The following CRTC1 variants were observed in gnomAD, a reference collection of about 807,000 sequenced individuals.
CRTC1 encodes the protein CREB-regulated transcription coactivator 1.
In CRTC1, 18 loss-of-function variants were observed where a neutral mutation model predicts 66.1. That is an observed-to-expected ratio of 0.27 (90% confidence interval 0.19 to 0.40). CRTC1 has a LOEUF of 0.40. CRTC1 is among the 10% of genes least tolerant of loss of function. The pLI is 1.00. For synonymous variants in CRTC1, 416 were observed against 398.8 expected (o/e 1.04, Z -0.51); for missense variants, 669 against 887.9 (o/e 0.75, Z 3.13).
At chr19:18,717,380 C>G (rs531580833) in intron 1 of CRTC1, among the ~76,000 whole-genome samples, 2 of 152,084 alleles carry the variant, frequency 1.3e-5, no homozygotes, top group South Asian at 4.2e-4. Flanking sequence ...GGGTAGTGGC[C>G]CTTGGGGTCA....
intron 1 of CRTC1, among the ~76,000 whole-genome samples, chr19:18,704,729 A>C (rs1039690230): frequency 3.3e-5 from 5 of 152,164 alleles, no homozygotes; most frequent in African/African-American, 1.2e-4. Flanking sequence ...AACCAAAAAC[A>C]AAACAAATAC....
intron 5 of CRTC1, among the ~76,000 whole-genome samples, chr19:18,750,105 G>A (rs545259997): frequency 1.3e-4 from 20 of 152,210 alleles, no homozygotes; most frequent in Non-Finnish European, 2.1e-4. Context: ...CCCTGCAGGC[G>A]CACGTTGGCT....
At chr19:18,698,342 G>A (rs542253351) in intron 1 of CRTC1, among the ~76,000 whole-genome samples, 1 of 151,372 alleles carries the variant, frequency 6.6e-6, no homozygotes, top group Non-Finnish European at 1.5e-5. Context: ...CAAGTGCTTA[G>A]CAGGTGCACA....
chr19:18,689,564 CATATATAT>C (rs10616884), intron 1 of CRTC1, among the ~76,000 whole-genome samples: 11 of 38,334 alleles, frequency 2.9e-4, no homozygotes, highest in African/African-American at 2.5e-3. Context: ...AATTGATGGC[CATATATAT>C]ATATATATAT....
intron 1 of CRTC1, among the ~76,000 whole-genome samples, chr19:18,707,487 G>C (rs2053292608): frequency 2.0e-5 from 3 of 152,174 alleles, no homozygotes; most frequent in African/African-American, 7.2e-5. Flanking sequence ...GTACCACACT[G>C]TTTTGATTAC....
rs559871678 is a variant in CRTC1, at chr19:18,722,097, C to T, written c.127-20813C>T. 2.6e-5 allele frequency among the ~76,000 whole-genome samples: 4 copies of T among 152,346 alleles called. No homozygotes were observed. In the East Asian group the frequency reaches 5.8e-4, roughly 22 times the overall value. On this transcript the variant is annotated intron_variant, in intron 1 of 13. Transcript: ENST00000321949. ...GGGTTTTGGGGATATGCACCAGAGA[C>T]CCCCACACCTATGCATCCGCTGACT...
chr19:18,747,129 A>C lies in CRTC1; in HGVS notation c.443+15A>C, dbSNP rs560795263. The C allele has an allele frequency of 8.0e-3, 8,842 of 1,108,352 alleles. No individual in the cohort carries two copies. Among genetic ancestry groups the C allele is most frequent in the Middle Eastern group, 0.024 (89 of 3,690 alleles). The allele number at this position is 1,108,352 out of a possible 1,614,324, so 68.7% of individuals were successfully genotyped here. On this transcript the variant is annotated intron_variant, in intron 4 of 13. Transcript: ENST00000321949. ...AGCTGGAGAAGGTCAGTGGCTGGAC[A>C]CCCCCCCCCCGCCCCCTTCTTGTTG...
Position 18,747,054 on chromosome 19 carries a change from C to T in CRTC1, c.383C>T (p.Ala128Val). ...CACTGCCCCCTTAACTCACCTCACG[C>T]CGACAGCTGCCCCTATGGCACCATG... ...PLSVDKHGRQADSCPYGTMYL... is the reference protein window; with the variant it reads ...PLSVDKHGRQVDSCPYGTMYL... The change falls in exon 4 of 14, where the codon GCC becomes GTC. Residue 128 changes from alanine (A) to valine (V), a missense_variant and splice_region_variant. Ala to Val is a moderately conservative substitution (Grantham distance 64). Around this residue, in one of 8 missense-constraint regions of CRTC1, gnomAD observed 214 missense variants for 323.4 expected, o/e 0.66. Coordinates refer to ENST00000321949, the MANE Select transcript of CRTC1 (RefSeq NM_015321.3). 1 of 1,613,282 alleles carries T rather than the reference C, an allele frequency of 6.2e-7. No homozygotes were observed. Among genetic ancestry groups the T allele is most frequent in the Non-Finnish European group, 8.5e-7 (1 of 1,179,714 alleles).
At chr19:18,698,794 TAC>T (rs887502087) in intron 1 of CRTC1, among the ~76,000 whole-genome samples, 1 of 150,314 alleles carries the variant, frequency 6.7e-6, no homozygotes, top group African/African-American at 2.5e-5. Flanking sequence ...TCAGCAGGCG[TAC>T]AGTGTTCAGC....
intron 1 of CRTC1, among the ~76,000 whole-genome samples, chr19:18,732,636 G>A (rs965016980): frequency 6.6e-6 from 1 of 152,156 alleles, no homozygotes; most frequent in African/African-American, 2.4e-5. Context: ...TGATGAATGG[G>A]AACTGTTGTG....
At chr19:18,721,298 A>G (rs904179442) in intron 1 of CRTC1, among the ~76,000 whole-genome samples, 1 of 148,606 alleles carries the variant, frequency 6.7e-6, no homozygotes, top group Non-Finnish European at 1.5e-5. Flanking sequence ...GGTTCACGCC[A>G]TTCTCCTGCC....
At chr19:18,727,565 A>C (rs1349067198) in intron 1 of CRTC1, among the ~76,000 whole-genome samples, 1 of 92,484 alleles carries the variant, frequency 1.1e-5, no homozygotes, top group African/African-American at 4.4e-5. Flanking sequence ...TGGGTGACAG[A>C]GCAAGACTCT....
intron 1 of CRTC1, among the ~76,000 whole-genome samples, chr19:18,694,626 T>C (rs2052940288): frequency 6.6e-6 from 1 of 151,894 alleles, no homozygotes; most frequent in African/African-American, 2.4e-5. Context: ...AGAGACAGGG[T>C]CTTCTCCCTG....
intron 1 of CRTC1, among the ~76,000 whole-genome samples, chr19:18,687,443 C>T (rs901454168): frequency 2.0e-5 from 3 of 152,184 alleles, no homozygotes; most frequent in Non-Finnish European, 4.4e-5. Flanking sequence ...CCATCTCTGG[C>T]AGGCTGCGAC....
chr19:18,696,012 A>G (rs2052978683), intron 1 of CRTC1, among the ~76,000 whole-genome samples: 1 of 151,996 alleles, frequency 6.6e-6, no homozygotes, highest in Admixed American at 6.5e-5. Context: ...GCAGGTGCAG[A>G]GGGGTGGGTG....
At position 18,683,682 on chromosome 19, in the gene CRTC1, G is replaced by GGAGGTGGCGGC; in HGVS notation, c.-17_-16insTGGCGGCGAGG. On this transcript the variant is annotated 5_prime_UTR_variant, in exon 1 of 14. Transcript: ENST00000321949. The stretch of plus-strand genomic sequence containing the variant: ...AGGAGGTGGAGGAGGAGGAGGAGGA[G>GGAGGTGGCGGC]GAGGAGGTGGCGGCGAGAAGATGGC... 7.2e-7 allele frequency: 1 copy of GGAGGTGGCGGC among 1,385,206 alleles called. No homozygotes were observed. Among genetic ancestry groups the GGAGGTGGCGGC allele is most frequent in the Non-Finnish European group, 9.6e-7 (1 of 1,043,658 alleles). The allele number at this position is 1,385,206 out of a possible 1,614,324, so 85.8% of individuals were successfully genotyped here.
At chr19:18,708,937 C>T (rs1279958811) in intron 1 of CRTC1, among the ~76,000 whole-genome samples, 4 of 152,194 alleles carry the variant, frequency 2.6e-5, no homozygotes, top group South Asian at 2.1e-4. Flanking sequence ...TCCTCCCTGC[C>T]GCTCCCTGCT....
chr19:18,761,752 C>T (rs1372685499), intron 8 of CRTC1, among the ~76,000 whole-genome samples: 1 of 152,140 alleles, frequency 6.6e-6, no homozygotes, highest in South Asian at 2.1e-4. Flanking sequence ...GCGTTCCTGG[C>T]TTTGGTGCCA....
intron 1 of CRTC1, among the ~76,000 whole-genome samples, chr19:18,690,821 C>G (rs1225162880): frequency 6.6e-6 from 1 of 151,670 alleles, no homozygotes; most frequent in Non-Finnish European, 1.5e-5. Context: ...GTCAGGAGAT[C>G]GAGACCATCC....
Sources: allele counts gnomAD v4.1 joint callset (sites outside exome capture counted in the v4.1 genomes callset), GRCh38; gene constraint gnomAD v4.1.1; regional missense constraint gnomAD v4.1.1; transcripts MANE v1.5; gene names NCBI Gene and HGNC (gene_info 2026-07-23, HGNC 2026-07-21).